Variants in SCAPER observed in about 807,000 individuals in gnomAD.
SCAPER encodes S phase cyclin A-associated protein in the endoplasmic reticulum.
In SCAPER, 98 loss-of-function variants were observed where a neutral mutation model predicts 182.2. The ratio of observed to expected loss-of-function variants is 0.54; its 90% confidence interval spans 0.46 to 0.64. The LOEUF is 0.64. Among genes scored for constraint, SCAPER ranks in the 30% least tolerant of loss-of-function variants. The pLI is 0.00. For synonymous variants in SCAPER, 605 were observed against 564.6 expected, an observed-to-expected ratio of 1.07 and a Z score of -1.01; for missense variants, 1,432 against 1,690.0, an observed-to-expected ratio of 0.85 and a Z score of 2.68.
At chr15:76,642,549 T>C (rs2054182272) in intron 21 of SCAPER, among the ~76,000 whole-genome samples, 1 of 152,206 alleles carries the variant, frequency 6.6e-6, no homozygotes, top group South Asian at 2.1e-4. Context: ...TATAAGCTTT[T>C]ATCACTTCAT....
intron 2 of SCAPER, 21 bp from the exon 3 acceptor site, chr15:76,862,554 A>T: frequency 7.1e-7 from 1 of 1,412,654 alleles, no homozygotes; most frequent in Non-Finnish European, 9.9e-7. Context: ...AAAAGATGGT[A>T]CTTATTAGAT....
At chr15:76,576,783 C>T (rs2047856769) in intron 22 of SCAPER, 1 of 152,140 alleles carries the variant, frequency 6.6e-6, no homozygotes, top group African/African-American at 2.4e-5. Flanking sequence ...CCTTGGAAAT[C>T]AGTGCTAGCC....
chr15:76,703,010 T>G lies in SCAPER; in HGVS notation c.2248-8A>C. On this transcript the variant is annotated splice_region_variant and splice_polypyrimidine_tract_variant and intron_variant, in intron 18 of 31. Transcript: ENST00000563290. ...TCGAATACTTTCATCATGCTGTAGA[T>G]GAAGTCAAAGTGCAAGAATTTCAAA... 1 of 1,532,598 alleles carries G rather than the reference T, an allele frequency of 6.5e-7. No homozygotes were observed. The highest frequency in any genetic ancestry group is 1.3e-5 in the South Asian group (1 of 78,018). The allele number at this position is 1,532,598 out of a possible 1,614,324, so 94.9% of individuals were successfully genotyped here. A position where few individuals can be genotyped will look rare whatever the true frequency, so the allele number is the denominator to read the frequency against.
rs577137625 is a variant in SCAPER, at chr15:76,486,068, A to G, written c.2955-14733T>C. Among the ~76,000 whole-genome samples the G allele has an allele frequency of 8.5e-4, 129 of 152,188 alleles. No individual in the cohort carries two copies. The Middle Eastern group carries it at 0.021, about 24-fold the overall frequency. ...CAAAAATACAAAAAATTAGCTGGGCATGGTGGTGAGCACCTGTAGTTCCAG... is the reference window on the plus strand; with the variant it reads ...CAAAAATACAAAAAATTAGCTGGGCGTGGTGGTGAGCACCTGTAGTTCCAG... On this transcript the variant is annotated intron_variant, in intron 24 of 31. Coordinates refer to ENST00000563290, the MANE Select transcript of SCAPER (RefSeq NM_020843.4).
intron 16 of SCAPER, among the ~76,000 whole-genome samples, chr15:76,732,158 G>C (rs528140502): frequency 2.0e-5 from 3 of 152,018 alleles, no homozygotes; most frequent in African/African-American, 7.2e-5. Flanking sequence ...CAAACACTAG[G>C]TTACTCCATT....
chr15:76,827,505 A>G (rs2068110579), intron 5 of SCAPER, among the ~76,000 whole-genome samples: 1 of 152,170 alleles, frequency 6.6e-6, no homozygotes, highest in African/African-American at 2.4e-5. Flanking sequence ...GCCTATAGAG[A>G]TAGAATTGAT....
At chr15:76,783,709 C>T (rs551080471) in intron 8 of SCAPER, among the ~76,000 whole-genome samples, 86 of 152,274 alleles carry the variant, frequency 5.6e-4, no homozygotes, top group African/African-American at 1.8e-3. Context: ...GGCTTCATCC[C>T]TGGGATGCAA....
chr15:76,879,349 C>T (rs977649333), intron 2 of SCAPER, among the ~76,000 whole-genome samples: 1 of 152,162 alleles, frequency 6.6e-6, no homozygotes, highest in Non-Finnish European at 1.5e-5. Flanking sequence ...TTGTCCCTAA[C>T]TCCAGGGTGC....
intron 23 of SCAPER, among the ~76,000 whole-genome samples, chr15:76,538,170 G>C (rs1378584022): frequency 9.3e-5 from 13 of 139,558 alleles, no homozygotes; most frequent in African/African-American, 3.4e-4. Flanking sequence ...ATTCCTCAGG[G>C]ATCTAGAACT....
intron 27 of SCAPER, among the ~76,000 whole-genome samples, chr15:76,387,278 G>C (rs1451402014): frequency 1.3e-5 from 2 of 152,182 alleles, no homozygotes; most frequent in African/African-American, 4.8e-5. Context: ...TTTTGAACTG[G>C]TTAAATGTGA....
intron 5 of SCAPER, among the ~76,000 whole-genome samples, chr15:76,810,409 A>C (rs1428200523): frequency 1.3e-5 from 2 of 151,960 alleles, no homozygotes; most frequent in Non-Finnish European, 2.9e-5. Context: ...AAGGGAAGTC[A>C]AGGTGTTATC....
intron 24 of SCAPER, among the ~76,000 whole-genome samples, chr15:76,488,311 A>C (rs1417185918): frequency 6.6e-6 from 1 of 152,192 alleles, no homozygotes; most frequent in South Asian, 2.1e-4. Flanking sequence ...AAATTTGAAT[A>C]CCTACAATTA....
intron 23 of SCAPER, among the ~76,000 whole-genome samples, chr15:76,545,902 C>T (rs745644980): frequency 6.6e-6 from 1 of 152,068 alleles, no homozygotes; most frequent in African/African-American, 2.4e-5. Context: ...GGATGAAACT[C>T]CATAAGGCAA....
intron 23 of SCAPER, among the ~76,000 whole-genome samples, chr15:76,549,663 G>T (rs2045589949): frequency 6.6e-6 from 1 of 152,032 alleles, no homozygotes; most frequent in South Asian, 2.1e-4. Context: ...GAGTTAATGG[G>T]TGCAGCACAC....
chr15:76,445,424 A>G (rs768672173), intron 25 of SCAPER, among the ~76,000 whole-genome samples: 3 of 152,160 alleles, frequency 2.0e-5, no homozygotes, highest in Non-Finnish European at 4.4e-5. Context: ...TTTGTGTATG[A>G]TAAGACTGTA....
chr15:76,372,802 A>C (rs1184248146), intron 29 of SCAPER, among the ~76,000 whole-genome samples: 1 of 152,194 alleles, frequency 6.6e-6, no homozygotes. Flanking sequence ...AGATAAAGCC[A>C]TACAGCCATT....
At chr15:76,781,689 T>A (rs557389032) in intron 8 of SCAPER, among the ~76,000 whole-genome samples, 56 of 152,190 alleles carry the variant, frequency 3.7e-4, no homozygotes, top group Non-Finnish European at 7.2e-4. Context: ...ACAGTGGATC[T>A]CTCGACAGAA....
intron 20 of SCAPER, among the ~76,000 whole-genome samples, chr15:76,670,065 G>A (rs768563799): frequency 3.9e-5 from 6 of 151,962 alleles, no homozygotes; most frequent in African/African-American, 9.7e-5. Flanking sequence ...CATACATCAG[G>A]CATTCATATT....
intron 22 of SCAPER, among the ~76,000 whole-genome samples, chr15:76,608,081 A>T (rs968751994): frequency 2.0e-5 from 3 of 152,116 alleles, no homozygotes; most frequent in African/African-American, 7.2e-5. Context: ...CCTTTGCAGG[A>T]GGAGAGGCGC....
Sources: gnomAD v4.1 joint callset for allele counts (sites outside exome capture counted in the v4.1 genomes callset) on GRCh38, gnomAD v4.1.1 for gene constraint, MANE v1.5 for transcripts, NCBI Gene and HGNC (gene_info 2026-07-23, HGNC 2026-07-21) for gene names.